Variants in KSR2 observed in about 807,000 individuals in gnomAD.
The protein encoded by KSR2 is kinase suppressor of ras 2.
Under a neutral mutation model 107.8 loss-of-function variants are expected in KSR2, and 25 were observed. That is an observed-to-expected ratio of 0.23 (90% CI 0.17 to 0.32). The LOEUF (loss-of-function observed/expected upper bound fraction) is 0.32, where lower values mean the gene tolerates loss of function less well. Ranked by LOEUF, KSR2 falls within the 10% of genes least tolerant of loss-of-function variation. The pLI is 1.00. For missense variants in KSR2, 887 were observed against 1,268.9 expected (o/e 0.70, Z 4.57); for synonymous variants, 480 against 507.0 (o/e 0.95, Z 0.71).
At chr12:117,581,784 A>G (rs1217115269) in intron 6 of KSR2, among the ~76,000 whole-genome samples, 1 of 152,234 alleles carries the variant, frequency 6.6e-6, no homozygotes, top group Non-Finnish European at 1.5e-5. Context: ...GCCGCACCAG[A>G]GAATGTGCAC....
chr12:117,577,504 T>G (rs974990318), intron 7 of KSR2, among the ~76,000 whole-genome samples: 1 of 152,148 alleles, frequency 6.6e-6, no homozygotes, highest in African/African-American at 2.4e-5. Context: ...GCAAGATTAT[T>G]ATATTAGTCT....
chr12:117,539,729 G>A lies in KSR2; in HGVS notation c.1677C>T (p.Phe559=), dbSNP rs1209122441. The A allele has an allele frequency of 1.9e-6, 3 of 1,598,574 alleles. No homozygotes were observed. The highest frequency in any genetic ancestry group is 2.6e-6 in the Non-Finnish European group (3 of 1,173,662). The change falls in exon 10 of 20, where the codon TTC becomes TTT. Residue 559 remains phenylalanine (F), a synonymous_variant. Transcript: ENST00000339824. ...CAAGCATGGAGGTACCTGGCAGGTTGAAGTTCTTCTGCTGCCGTGTGCACT... is the reference window on the plus strand; with the variant it reads ...CAAGCATGGAGGTACCTGGCAGGTTAAAGTTCTTCTGCTGCCGTGTGCACT... ...SPQCTRQQKN[F]NLPASHYYKY...
At chr12:117,498,232 C>T (rs1873161501) in intron 14 of KSR2, among the ~76,000 whole-genome samples, 1 of 152,128 alleles carries the variant, frequency 6.6e-6, no homozygotes, top group Admixed American at 6.5e-5. Flanking sequence ...TTCAGAGAGC[C>T]TGACCTCTGA....
chr12:117,685,432 C>T lies in KSR2; in HGVS notation c.987-17774G>A, dbSNP rs139611514. 2.8e-4 allele frequency among the ~76,000 whole-genome samples: 42 copies of T among 152,330 alleles called. No individual in the cohort carries two copies. The East Asian group carries it at 7.9e-3, about 29-fold the overall frequency. On this transcript the variant is annotated intron_variant, in intron 4 of 19. Coordinates refer to ENST00000339824, the MANE Select transcript of KSR2 (RefSeq NM_173598.6). Reference sequence around the variant, plus strand: ...TTTTCTTTTAGGTTTCCTTCCTCCTCCCCTTGCCTGAAGAAAAGACAATTT... The same window carrying T: ...TTTTCTTTTAGGTTTCCTTCCTCCTTCCCTTGCCTGAAGAAAAGACAATTT...
intron 5 of KSR2, among the ~76,000 whole-genome samples, chr12:117,633,897 G>C (rs1045441780): frequency 7.2e-5 from 11 of 152,168 alleles, no homozygotes; most frequent in Non-Finnish European, 8.8e-5. Context: ...GCCCCAGTGT[G>C]GGGTGATGCT....
rs574248762 is a variant in KSR2, at chr12:117,907,752, T to C, written c.181-47321A>G. The stretch of plus-strand genomic sequence containing the variant: ...TTCCAGAAGTATCTGAAGGGGGCAA[T>C]TGTAACCACGTCAATTTTTTTAGGT... On this transcript the variant is annotated intron_variant, in intron 1 of 19. Coordinates refer to ENST00000339824, the MANE Select transcript of KSR2 (RefSeq NM_173598.6). This position sits in a 1 kb window ranked among gnomAD's most constrained non-coding sequence, Gnocchi z 4.3. Among the ~76,000 whole-genome samples the C allele has an allele frequency of 6.6e-6, 1 of 152,296 alleles. No individual in the cohort carries two copies. Among genetic ancestry groups the C allele is most frequent in the East Asian group, 1.9e-4 (1 of 5,190 alleles).
chr12:117,832,709 C>T (rs1348464785), intron 3 of KSR2, among the ~76,000 whole-genome samples: 2 of 152,196 alleles, frequency 1.3e-5, no homozygotes, highest in Non-Finnish European at 2.9e-5. Flanking sequence ...GACCCCAGGC[C>T]TTGTCTCTAG....
intron 13 of KSR2, 138 bp downstream of exon 13, chr12:117,526,933 G>A: frequency 1.4e-6 from 1 of 708,264 alleles, no homozygotes; most frequent in Non-Finnish European, 2.6e-6. Context: ...TTGTCCCAGA[G>A]TTAGAATATC....
At chr12:117,674,533 ACC>A in intron 4 of KSR2, 3 of 328,122 alleles carry the variant, frequency 9.1e-6, no homozygotes, top group Admixed American at 3.2e-5. Flanking sequence ...CAGCCCCTGC[ACC>A]ACCAATCAGC....
intron 3 of KSR2, among the ~76,000 whole-genome samples, chr12:117,770,447 C>T (rs910545047): frequency 2.0e-5 from 3 of 151,956 alleles, no homozygotes; most frequent in African/African-American, 7.3e-5. Flanking sequence ...CCTGCCAACA[C>T]CCGATTTCAG....
At chr12:117,944,523 G>T (rs562380845) in intron 1 of KSR2, among the ~76,000 whole-genome samples, 7 of 151,872 alleles carry the variant, frequency 4.6e-5, no homozygotes, top group African/African-American at 1.7e-4. Context: ...TTAAAAGGTT[G>T]AATTTTATGT....
chr12:117,715,508 C>G (rs1886945428), intron 4 of KSR2, among the ~76,000 whole-genome samples: 1 of 152,174 alleles, frequency 6.6e-6, no homozygotes, highest in Admixed American at 6.5e-5. Flanking sequence ...TACCAAGGGC[C>G]AGCCACTGGG....
intron 6 of KSR2, among the ~76,000 whole-genome samples, chr12:117,579,881 A>G (rs764455302): frequency 5.3e-5 from 8 of 152,106 alleles, no homozygotes; most frequent in Admixed American, 2.6e-4. Context: ...CGATAAACCA[A>G]CTGGAGCAGA....
intron 1 of KSR2, among the ~76,000 whole-genome samples, chr12:117,918,834 G>A (rs1265494158): frequency 6.6e-6 from 1 of 151,902 alleles, no homozygotes; most frequent in Non-Finnish European, 1.5e-5. Context: ...TGCAGGCGGG[G>A]TAGCTCACAC....
chr12:117,683,739 T>C (rs1390669325), intron 4 of KSR2, among the ~76,000 whole-genome samples: 3 of 152,134 alleles, frequency 2.0e-5, no homozygotes, highest in African/African-American at 7.2e-5. Flanking sequence ...ACACTTCAGG[T>C]CTAGGGCAAG....
At chr12:117,655,775 G>A (rs1227868537) in intron 5 of KSR2, among the ~76,000 whole-genome samples, 1 of 152,164 alleles carries the variant, frequency 6.6e-6, no homozygotes, top group African/African-American at 2.4e-5. Context: ...TACAATGCTG[G>A]CTGGGGTGAA....
chr12:117,881,130 G>A (rs937051806), intron 1 of KSR2, among the ~76,000 whole-genome samples: 3 of 152,114 alleles, frequency 2.0e-5, no homozygotes, highest in Admixed American at 6.6e-5. Context: ...AACATGATGA[G>A]TTTCCCCGGA....
intron 9 of KSR2, among the ~76,000 whole-genome samples, chr12:117,541,014 G>T (rs540248618): frequency 1.3e-5 from 2 of 152,188 alleles, no homozygotes; most frequent in Non-Finnish European, 2.9e-5. Context: ...TCCATTCCTC[G>T]GTTTTGTCCT....
intron 12 of KSR2, among the ~76,000 whole-genome samples, chr12:117,527,833 G>T (rs946973893): frequency 1.3e-5 from 2 of 152,146 alleles, no homozygotes; most frequent in African/African-American, 4.8e-5. Flanking sequence ...ATTCCAAGAT[G>T]AGAGAATTAC....
Sources: allele counts gnomAD v4.1 joint callset (sites outside exome capture counted in the v4.1 genomes callset), GRCh38; gene constraint gnomAD v4.1.1; non-coding constraint Gnocchi (gnomAD v3.1); transcripts MANE v1.5; gene names NCBI Gene and HGNC (gene_info 2026-07-23, HGNC 2026-07-21).